The following CNTNAP2 variants were observed in gnomAD, a reference collection of about 807,000 sequenced individuals.
The protein encoded by CNTNAP2 is contactin-associated protein-like 2.
In CNTNAP2, 98 loss-of-function variants were observed where a neutral mutation model predicts 155.2. The ratio of observed to expected loss-of-function variants is 0.63; its 90% confidence interval spans 0.54 to 0.75. The LOEUF is 0.75. Ranked by LOEUF, CNTNAP2 falls within the 30% of genes least tolerant of loss-of-function variation. CNTNAP2 has a pLI of 0.00. For synonymous variants in CNTNAP2, 651 were observed against 631.2 expected, an observed-to-expected ratio of 1.03 and a Z score of -0.47; for missense variants, 1,727 against 1,688.1, an observed-to-expected ratio of 1.02 and a Z score of -0.40.
At chr7:146,898,654 C>G (rs1004324343) in intron 3 of CNTNAP2, among the ~76,000 whole-genome samples, 4 of 152,068 alleles carry the variant, frequency 2.6e-5, no homozygotes, top group Admixed American at 6.6e-5. Context: ...ACTATGTTAA[C>G]TTTTGTCTTT....
At chr7:148,385,726 A>T (rs1637836) in intron 22 of CNTNAP2, among the ~76,000 whole-genome samples, 54,365 of 141,740 alleles carry the variant, frequency 0.38, 10,677 homozygotes, top group Non-Finnish European at 0.44. Flanking sequence ...TCATGCTTTG[A>T]GTGTGACAGG....
chr7:146,772,381 A>AGGTGC (rs1005153892), intron 1 of CNTNAP2, among the ~76,000 whole-genome samples: 4 of 151,676 alleles, frequency 2.6e-5, no homozygotes, highest in African/African-American at 9.7e-5. Context: ...AGGAGGGGCC[A>AGGTGC]GGTGCGGTGG....
intron 10 of CNTNAP2, among the ~76,000 whole-genome samples, chr7:147,429,488 G>A (rs1353490342): frequency 6.6e-6 from 1 of 151,920 alleles, no homozygotes; most frequent in Non-Finnish European, 1.5e-5. Context: ...TGCATTGTTT[G>A]TGAAGCTTTT....
chr7:146,760,409 C>CTTTTTTTTTTTTTTTTTTTTTTTGT (rs1802074761), intron 1 of CNTNAP2, among the ~76,000 whole-genome samples: 1 of 56,276 alleles, frequency 1.8e-5, no homozygotes, highest in Non-Finnish European at 3.0e-5. Context: ...TCCAATTTAC[C>CTTTTTTTTTTTTTTTTTTTTTTTGT]TTTTTTTTTT....
At chr7:147,793,688 G>A (rs942493244) in intron 13 of CNTNAP2, among the ~76,000 whole-genome samples, 2 of 151,986 alleles carry the variant, frequency 1.3e-5, no homozygotes, top group Non-Finnish European at 2.9e-5. Flanking sequence ...AGATCAGCTT[G>A]TCAATTTCTA....
At chr7:146,387,013 C>G (rs1464838702) in intron 1 of CNTNAP2, among the ~76,000 whole-genome samples, 1 of 152,160 alleles carries the variant, frequency 6.6e-6, no homozygotes, top group Non-Finnish European at 1.5e-5. Flanking sequence ...CAAAGACACT[C>G]TCACCCAAAA....
chr7:146,459,261 A>G (rs1039161016), intron 1 of CNTNAP2, among the ~76,000 whole-genome samples: 5 of 152,156 alleles, frequency 3.3e-5, no homozygotes, highest in Non-Finnish European at 5.9e-5. Flanking sequence ...CAAGAAGGAG[A>G]AAATATATAG....
At chr7:146,134,657 T>A (rs1797770674) in intron 1 of CNTNAP2, among the ~76,000 whole-genome samples, 1 of 150,336 alleles carries the variant, frequency 6.7e-6, no homozygotes, top group African/African-American at 2.4e-5. Flanking sequence ...TTTCTGCATC[T>A]ATTGAGATAA....
chr7:146,691,524 A>G (rs1037505486), intron 1 of CNTNAP2, among the ~76,000 whole-genome samples: 1 of 152,168 alleles, frequency 6.6e-6, no homozygotes, highest in Non-Finnish European at 1.5e-5. Context: ...TAAAACGCAG[A>G]GTTGTATGGG....
intron 1 of CNTNAP2, among the ~76,000 whole-genome samples, chr7:146,478,537 G>C (rs1338183236): frequency 6.6e-6 from 1 of 151,826 alleles, no homozygotes; most frequent in Non-Finnish European, 1.5e-5. Flanking sequence ...AGGTTAATTT[G>C]ACTAAATATA....
intron 4 of CNTNAP2, among the ~76,000 whole-genome samples, chr7:147,054,942 C>T (rs1799531612): frequency 6.6e-6 from 1 of 152,076 alleles, no homozygotes. Context: ...TTCTCACATG[C>T]TCAAAATACT....
intron 8 of CNTNAP2, among the ~76,000 whole-genome samples, chr7:147,286,324 T>A (rs969228219): frequency 6.6e-6 from 1 of 152,184 alleles, no homozygotes; most frequent in African/African-American, 2.4e-5. Flanking sequence ...TGAAAACTTA[T>A]ATTCCTAAAA....
At chr7:146,178,686 C>T (rs570576522) in intron 1 of CNTNAP2, among the ~76,000 whole-genome samples, 1 of 152,252 alleles carries the variant, frequency 6.6e-6, no homozygotes, top group East Asian at 1.9e-4. Context: ...TAGATGAAAA[C>T]AGTACATCTG....
chr7:148,216,821 T>C (rs1795646934), intron 18 of CNTNAP2, among the ~76,000 whole-genome samples: 1 of 152,230 alleles, frequency 6.6e-6, no homozygotes, highest in African/African-American at 2.4e-5. Context: ...AGTAATTTAA[T>C]CACAGGAGGA....
intron 3 of CNTNAP2, among the ~76,000 whole-genome samples, chr7:146,984,262 G>A (rs1272558253): frequency 1.3e-5 from 2 of 151,560 alleles, no homozygotes; most frequent in Admixed American, 6.6e-5. Context: ...AGCTACTCGG[G>A]AGGCTGAGGC....
intron 13 of CNTNAP2, among the ~76,000 whole-genome samples, chr7:147,779,522 G>C (rs566391495): frequency 6.6e-6 from 1 of 152,078 alleles, no homozygotes; most frequent in African/African-American, 2.4e-5. Context: ...TTGTCAGATG[G>C]TTTATAGTTT....
intron 10 of CNTNAP2, among the ~76,000 whole-genome samples, chr7:147,479,684 C>T (rs1798387750): frequency 6.6e-6 from 1 of 150,812 alleles, no homozygotes; most frequent in South Asian, 2.1e-4. Flanking sequence ...AGTTGCTTAT[C>T]TCATCATAGC....
chr7:146,653,310 T>C (rs942261063), intron 1 of CNTNAP2, among the ~76,000 whole-genome samples: 4 of 152,174 alleles, frequency 2.6e-5, no homozygotes, highest in African/African-American at 7.2e-5. Context: ...ATAGTCATTG[T>C]AGTTTAATTT....
At chr7:147,533,463 T>C (rs1031786617) in intron 11 of CNTNAP2, among the ~76,000 whole-genome samples, 1 of 152,128 alleles carries the variant, frequency 6.6e-6, no homozygotes, top group African/African-American at 2.4e-5. Context: ...ACTTATTGTG[T>C]ATACTCTTTA....
Sources: gnomAD v4.1 joint callset for allele counts (sites outside exome capture counted in the v4.1 genomes callset) on GRCh38, gnomAD v4.1.1 for gene constraint, MANE v1.5 for transcripts, NCBI Gene and HGNC (gene_info 2026-07-23, HGNC 2026-07-21) for gene names.